Variants in RSRC1 observed in about 807,000 individuals in gnomAD.
RSRC1 encodes the protein serine/Arginine-related protein 53.
A neutral mutation model predicts 49.1 loss-of-function variants in RSRC1; 39 were observed. That is an observed-to-expected ratio of 0.79 (90% CI 0.61 to 1.04). The LOEUF is 1.04. RSRC1 is among the 50% of genes least tolerant of loss of function. RSRC1 has a pLI of 0.00. For missense variants in RSRC1, 388 were observed against 402.4 expected (o/e 0.96, Z 0.31); for synonymous variants, 143 against 130.8 (o/e 1.09, Z -0.63).
intron 7 of RSRC1, among the ~76,000 whole-genome samples, chr3:158,534,636 G>A (rs1020764119): frequency 2.0e-5 from 3 of 151,618 alleles, no homozygotes; most frequent in African/African-American, 7.2e-5. Flanking sequence ...ACAAAAATAC[G>A]AAATTACACA....
chr3:158,527,922 C>T (rs1203895695), intron 7 of RSRC1, among the ~76,000 whole-genome samples: 2 of 151,704 alleles, frequency 1.3e-5, no homozygotes, highest in South Asian at 2.1e-4. Context: ...TATATTTGAA[C>T]CTGAACTTCA....
At chr3:158,184,522 C>A (rs895338727) in intron 3 of RSRC1, among the ~76,000 whole-genome samples, 4 of 152,066 alleles carry the variant, frequency 2.6e-5, no homozygotes, top group African/African-American at 9.7e-5. Flanking sequence ...CTTTCATTAC[C>A]ATTAAAGCCT....
chr3:158,155,312 C>G (rs1717793924), intron 3 of RSRC1, among the ~76,000 whole-genome samples: 3 of 152,206 alleles, frequency 2.0e-5, no homozygotes, highest in Admixed American at 2.0e-4. Flanking sequence ...GTCAAAATTA[C>G]TCCTTGATTC....
rs906834864 is a variant in RSRC1, at chr3:158,305,289, G to C, written c.531+7214G>C. Among the ~76,000 whole-genome samples, 12 of 151,942 alleles carry C rather than the reference G, an allele frequency of 7.9e-5. No homozygotes were observed. The East Asian group carries it at 2.3e-3, about 29-fold the overall frequency. ...GGACAAGATGTCATGCAATTTTCAT[G>C]ATATTGTTGATAGTCTCAGAATTAT... On this transcript the variant is annotated intron_variant, in intron 5 of 9. Transcript: ENST00000611884.
At chr3:158,143,741 A>G (rs569829038) in intron 3 of RSRC1, among the ~76,000 whole-genome samples, 22 of 152,326 alleles carry the variant, frequency 1.4e-4, no homozygotes, top group African/African-American at 5.0e-4. Flanking sequence ...TAAAGCAGGA[A>G]GGAAGCTGGT....
chr3:158,492,835 C>T (rs1453810150), intron 7 of RSRC1, among the ~76,000 whole-genome samples: 9 of 152,122 alleles, frequency 5.9e-5, no homozygotes, highest in African/African-American at 1.4e-4. Context: ...TCCTTTCTAT[C>T]CCCACCCTGC....
chr3:158,522,599 C>G (rs1711749536), intron 7 of RSRC1, among the ~76,000 whole-genome samples: 1 of 152,048 alleles, frequency 6.6e-6, no homozygotes, highest in Non-Finnish European at 1.5e-5. Flanking sequence ...AAATGACGAC[C>G]AAATGGAAAG....
At chr3:158,152,183 C>T (rs1166852203) in intron 3 of RSRC1, among the ~76,000 whole-genome samples, 1 of 151,794 alleles carries the variant, frequency 6.6e-6, no homozygotes, top group Non-Finnish European at 1.5e-5. Context: ...AGCTGTTTGA[C>T]CTTAGGCAAA....
intron 3 of RSRC1, among the ~76,000 whole-genome samples, chr3:158,190,254 G>T (rs1289816489): frequency 6.6e-6 from 1 of 151,914 alleles, no homozygotes; most frequent in East Asian, 1.9e-4. Context: ...TCCCCATGGT[G>T]GACCCTTTCT....
intron 6 of RSRC1, among the ~76,000 whole-genome samples, chr3:158,369,551 C>CT (rs1731955560): frequency 6.6e-6 from 1 of 152,026 alleles, no homozygotes; most frequent in Admixed American, 6.6e-5. Context: ...CCTGGGGTTT[C>CT]TTTTTTCTTT....
At chr3:158,287,278 A>G (rs1009904202) in intron 4 of RSRC1, among the ~76,000 whole-genome samples, 4 of 152,202 alleles carry the variant, frequency 2.6e-5, no homozygotes, top group African/African-American at 9.6e-5. Flanking sequence ...TAGAAATTGT[A>G]TTTTAAAATT....
intron 1 of RSRC1, among the ~76,000 whole-genome samples, chr3:158,120,556 A>G (rs1715176512): frequency 6.8e-6 from 1 of 147,082 alleles, no homozygotes; most frequent in Admixed American, 6.8e-5. Context: ...GAATTAATAT[A>G]TTAATATTAA....
intron 7 of RSRC1, among the ~76,000 whole-genome samples, chr3:158,500,347 C>T (rs141633451): frequency 6.6e-6 from 1 of 151,948 alleles, no homozygotes; most frequent in Non-Finnish European, 1.5e-5. Context: ...TATGTCCTTT[C>T]CTGGTTTTGG....
chr3:158,342,627 C>T (rs925219890), intron 5 of RSRC1, among the ~76,000 whole-genome samples: 2 of 152,156 alleles, frequency 1.3e-5, no homozygotes, highest in South Asian at 2.1e-4. Context: ...TTATTATTAA[C>T]ATGCATGGCT....
chr3:158,149,234 C>T (rs1240950373), intron 3 of RSRC1, among the ~76,000 whole-genome samples: 1 of 152,122 alleles, frequency 6.6e-6, no homozygotes, highest in Non-Finnish European at 1.5e-5. Context: ...CATCAAAGCT[C>T]CTTTGATATT....
chr3:158,247,705 G>T (rs141694021), intron 4 of RSRC1, among the ~76,000 whole-genome samples: 14 of 152,138 alleles, frequency 9.2e-5, no homozygotes, highest in Non-Finnish European at 1.8e-4. Flanking sequence ...GGTTCTTCCT[G>T]TACCTGGAGG....
intron 5 of RSRC1, among the ~76,000 whole-genome samples, chr3:158,350,179 A>AAAT (rs1553790811): frequency 7.9e-6 from 1 of 126,560 alleles, no homozygotes; most frequent in South Asian, 2.6e-4. Flanking sequence ...TATATATATA[A>AAAT]TTTTTTTTTT....
At chr3:158,477,003 C>G (rs1286596889) in intron 7 of RSRC1, among the ~76,000 whole-genome samples, 1 of 152,126 alleles carries the variant, frequency 6.6e-6, no homozygotes, top group Non-Finnish European at 1.5e-5. Context: ...GGGCTCAAGA[C>G]TTCAGTGGAG....
chr3:158,131,757 A>G (rs1716039762), intron 3 of RSRC1, among the ~76,000 whole-genome samples: 1 of 152,208 alleles, frequency 6.6e-6, no homozygotes, highest in African/African-American at 2.4e-5. Flanking sequence ...CCTGTAGACT[A>G]CAAGTGTAAA....
Sources: allele counts gnomAD v4.1 joint callset (sites outside exome capture counted in the v4.1 genomes callset), GRCh38; gene constraint gnomAD v4.1.1; transcripts MANE v1.5; gene names NCBI Gene and HGNC (gene_info 2026-07-23, HGNC 2026-07-21).